KAZN: variants seen among roughly 807,000 people sequenced by gnomAD.
The protein encoded by KAZN is kazrin.
A neutral mutation model predicts 87.4 loss-of-function variants in KAZN; 40 were observed. The ratio of observed to expected loss-of-function variants is 0.46; its 90% CI spans 0.36 to 0.60. The LOEUF (loss-of-function observed/expected upper bound fraction) is 0.60. Among genes scored for constraint, KAZN ranks in the 20% least tolerant of loss-of-function variants. The probability of loss-of-function intolerance (pLI) is 0.00; values close to 1 mark genes in which losing one functional copy is unlikely to be tolerated. For synonymous variants in KAZN, 466 were observed against 458.3 expected (o/e 1.02, Z -0.22); for missense variants, 898 against 1,073.9 (o/e 0.84, Z 2.29).
chr1:14,367,073 AC>A (rs1660060750), intron 2 of KAZN, among the ~76,000 whole-genome samples: 1 of 152,158 alleles, frequency 6.6e-6, no homozygotes, highest in South Asian at 2.1e-4. Flanking sequence ...CTACTAAAAT[AC>A]AAAAATTAGC....
Position 13,942,991 on chromosome 1 carries a change from A to G in KAZN, c.91+49235A>G, listed in dbSNP as rs143284859. On this transcript the variant is annotated intron_variant, in intron 1 of 16. Coordinates refer to the KAZN transcript ENST00000636203. Reference sequence around the variant, plus strand: ...ATATGGACATGGTAAAAAAGATCCAATAAGTATCATTGAAGTTCCAGAATG... The same window carrying G: ...ATATGGACATGGTAAAAAAGATCCAGTAAGTATCATTGAAGTTCCAGAATG... 1.6e-3 allele frequency among the ~76,000 whole-genome samples: 244 copies of G among 152,326 alleles called. 2 individuals are homozygous for G. Among genetic ancestry groups the G allele is most frequent in the African/African-American group, 5.1e-3 (214 of 41,574 alleles).
chr1:14,230,346 G>T (rs1479189957), intron 2 of KAZN, among the ~76,000 whole-genome samples: 2 of 152,182 alleles, frequency 1.3e-5, no homozygotes, highest in Non-Finnish European at 2.9e-5. Flanking sequence ...CTGTCTAACA[G>T]CCAGGCAAAG....
At chr1:14,280,061 C>T (rs1470119432) in intron 2 of KAZN, among the ~76,000 whole-genome samples, 1 of 152,024 alleles carries the variant, frequency 6.6e-6, no homozygotes, top group Non-Finnish European at 1.5e-5. Flanking sequence ...GGCATATGGA[C>T]TTAGTTAAGA....
At chr1:14,487,141 A>T (rs764769783) in intron 2 of KAZN, among the ~76,000 whole-genome samples, 8 of 152,132 alleles carry the variant, frequency 5.3e-5, no homozygotes, top group African/African-American at 9.7e-5. Flanking sequence ...TTTTCCACTT[A>T]GTTGAAAGCT....
chr1:14,140,671 C>G (rs1645215122), intron 1 of KAZN, among the ~76,000 whole-genome samples: 1 of 152,100 alleles, frequency 6.6e-6, no homozygotes, highest in African/African-American at 2.4e-5. Flanking sequence ...GCCTGTAGTT[C>G]TTACACACGT....
intron 2 of KAZN, among the ~76,000 whole-genome samples, chr1:14,592,310 G>A (rs1390917277): frequency 6.6e-6 from 1 of 152,172 alleles, no homozygotes; most frequent in African/African-American, 2.4e-5. Context: ...AAAACAGAGA[G>A]CAGGAAGCTC....
intron 5 of KAZN, among the ~76,000 whole-genome samples, chr1:15,057,181 G>A (rs1330648398): frequency 1.3e-5 from 2 of 152,248 alleles, no homozygotes; most frequent in African/African-American, 4.8e-5. Flanking sequence ...TTGGGACGAA[G>A]GGGCATAGGC....
rs1009318430 is a variant in KAZN, at chr1:14,960,001, C to T, written c.227-683C>T. ...TAAGTGCTGCAGAAACCTCTGCCCA[C>T]GGTGTCACCTTGTCACTGCTCATTA... On this transcript the variant is annotated intron_variant, in intron 1 of 14. Transcript: ENST00000376030. 3.3e-5 allele frequency among the ~76,000 whole-genome samples: 5 copies of T among 152,310 alleles called. No homozygotes were observed. In the South Asian group the frequency reaches 6.2e-4, roughly 19 times the overall value.
At chr1:14,095,277 G>A (rs767506780) in intron 1 of KAZN, among the ~76,000 whole-genome samples, 8 of 152,174 alleles carry the variant, frequency 5.3e-5, no homozygotes, top group Non-Finnish European at 8.8e-5. Context: ...GGTATATGCC[G>A]TGGAGAGGAA....
intron 2 of KAZN, among the ~76,000 whole-genome samples, chr1:14,367,552 C>G (rs562045666): frequency 6.6e-6 from 1 of 152,240 alleles, no homozygotes; most frequent in South Asian, 2.1e-4. Flanking sequence ...GGACCATGGT[C>G]CCAGGCTTGA....
At chr1:14,994,457 C>T (rs1010800412) in intron 2 of KAZN, among the ~76,000 whole-genome samples, 46 of 152,356 alleles carry the variant, frequency 3.0e-4, no homozygotes, top group African/African-American at 1.1e-3. Flanking sequence ...AGCAGGCTTT[C>T]CTAGAGGTTT....
chr1:14,990,193 T>C (rs1441503853), intron 2 of KAZN, among the ~76,000 whole-genome samples: 1 of 152,136 alleles, frequency 6.6e-6, no homozygotes, highest in African/African-American at 2.4e-5. Context: ...GGACCAAAAC[T>C]GGCTCACCAC....
At chr1:14,092,500 CAT>C (rs1644022649) in intron 1 of KAZN, among the ~76,000 whole-genome samples, 1 of 150,978 alleles carries the variant, frequency 6.6e-6, no homozygotes, top group South Asian at 2.1e-4. Flanking sequence ...CATATTTTCA[CAT>C]GTGTACCACT....
Position 14,476,288 on chromosome 1 carries a change from G to C in KAZN, c.250-122695G>C, listed in dbSNP as rs779445318. ...GGCTGACAGCTATTGATTTCTGTGC[G>C]TGATTCTGCCCTTGGTCTCAAATAG... On this transcript the variant is annotated intron_variant, in intron 2 of 16. Coordinates refer to the KAZN transcript ENST00000636203. Among the ~76,000 whole-genome samples the C allele has an allele frequency of 2.0e-5, 3 of 152,260 alleles. No individual in the cohort carries two copies. The South Asian group carries it at 6.2e-4, about 32-fold the overall frequency.
intron 1 of KAZN, among the ~76,000 whole-genome samples, chr1:14,107,487 A>G (rs74749399): frequency 0.016 from 2,438 of 152,174 alleles, 73 homozygotes; most frequent in African/African-American, 0.056. Flanking sequence ...ACTCACATTT[A>G]TGGGTAGGAA....
intron 1 of KAZN, among the ~76,000 whole-genome samples, chr1:14,741,200 A>T (rs1644088961): frequency 6.6e-6 from 1 of 152,260 alleles, no homozygotes. Flanking sequence ...GCATGAATAA[A>T]TGGACTTGTC....
intron 1 of KAZN, among the ~76,000 whole-genome samples, chr1:14,919,935 G>A (rs76694972): frequency 6.6e-6 from 1 of 152,258 alleles, no homozygotes; most frequent in African/African-American, 2.4e-5. Context: ...GGTTGGGTAA[G>A]TACGCTTTAT....
intron 1 of KAZN, among the ~76,000 whole-genome samples, chr1:13,979,299 G>A (rs889444380): frequency 2.0e-5 from 3 of 152,064 alleles, no homozygotes; most frequent in African/African-American, 7.2e-5. Context: ...AATTAAAAAG[G>A]TGTTTTAGCT....
intron 1 of KAZN, among the ~76,000 whole-genome samples, chr1:14,024,266 A>C (rs1194598889): frequency 6.6e-6 from 1 of 152,210 alleles, no homozygotes; most frequent in Admixed American, 6.5e-5. Flanking sequence ...ATTATGATTA[A>C]CCATCTTCAT....
Sources: allele counts gnomAD v4.1 joint callset (sites outside exome capture counted in the v4.1 genomes callset), GRCh38; gene constraint gnomAD v4.1.1; transcripts MANE v1.5; gene names NCBI Gene and HGNC (gene_info 2026-07-23, HGNC 2026-07-21).